Variants in CFAP44 observed in about 807,000 individuals in gnomAD.
CFAP44 encodes the protein cilia- and flagella-associated protein 44.
Under a neutral mutation model 216.2 loss-of-function variants are expected in CFAP44, and 134 were observed. The ratio of observed to expected loss-of-function variants is 0.62; its 90% confidence interval spans 0.54 to 0.72. The LOEUF is 0.72. Ranked by LOEUF, CFAP44 falls within the 30% of genes least tolerant of loss-of-function variation. The pLI is 0.00. For synonymous variants in CFAP44, 700 were observed against 727.6 expected (o/e 0.96, Z 0.61); for missense variants, 2,035 against 2,182.1 (o/e 0.93, Z 1.34).
In CFAP44 at chr3:113,355,374, C is replaced by T. The variant is rs138207355; in HGVS notation, c.3065+3371G>A. Among the ~76,000 whole-genome samples the T allele has an allele frequency of 9.0e-3, 1,362 of 152,082 alleles. 18 individuals are homozygous for T. The highest frequency in any genetic ancestry group is 0.022 in the African/African-American group (932 of 41,486). On this transcript the variant is annotated intron_variant, in intron 22 of 34. Coordinates refer to ENST00000393845, the MANE Select transcript of CFAP44 (RefSeq NM_001164496.2). Reference sequence around the variant, plus strand: ...TCTCTACTAAAAATACAAAAAAATTCGCCGGGCATGGTGGCAGGTGCCTGC... The same window carrying T: ...TCTCTACTAAAAATACAAAAAAATTTGCCGGGCATGGTGGCAGGTGCCTGC...
At chr3:113,316,978 T>G (rs1381952781) in intron 28 of CFAP44, among the ~76,000 whole-genome samples, 1 of 151,356 alleles carries the variant, frequency 6.6e-6, no homozygotes, top group Non-Finnish European at 1.5e-5. Flanking sequence ...ACCACCATAA[T>G]TTAAAAATGT....
chr3:113,394,605 A>G (rs1290796751), intron 15 of CFAP44, among the ~76,000 whole-genome samples: 1 of 152,162 alleles, frequency 6.6e-6, no homozygotes, highest in Non-Finnish European at 1.5e-5. Flanking sequence ...TAAATTCACA[A>G]CACACATTCT....
rs912743719 is a variant in CFAP44, at chr3:113,344,456, A to T, written c.3262+60T>A. The T allele has an allele frequency of 7.0e-6, 10 of 1,425,876 alleles. No homozygotes were observed. In the African/African-American group the frequency reaches 1.4e-4, roughly 20 times the overall value. 88.3% of individuals were successfully genotyped at this position (1,425,876 alleles called of 1,614,324 possible). A position where few individuals can be genotyped will look rare whatever the true frequency, so the allele number is the denominator to read the frequency against. Reference sequence around the variant, plus strand: ...GAAGGTTCAATGGTTCTGTCCACAGACAATTCACTTTTGAAGTCTTAGTAA... The same window carrying T: ...GAAGGTTCAATGGTTCTGTCCACAGTCAATTCACTTTTGAAGTCTTAGTAA... On this transcript the variant is annotated intron_variant, in intron 23 of 34. Coordinates refer to ENST00000393845, the MANE Select transcript of CFAP44 (RefSeq NM_001164496.2).
At chr3:113,421,753 C>A (rs1379320255) in intron 4 of CFAP44, among the ~76,000 whole-genome samples, 1 of 149,472 alleles carries the variant, frequency 6.7e-6, no homozygotes, top group Admixed American at 6.7e-5. Context: ...CCAAATATTG[C>A]ATGTTCTCAC....
chr3:113,427,484 G>T (rs572598784), intron 2 of CFAP44, 145 bp from the exon 3 acceptor site: 2 of 605,762 alleles, frequency 3.3e-6, no homozygotes, highest in South Asian at 2.4e-5. Flanking sequence ...CATTTTATTT[G>T]GTCAGTCTTG....
In CFAP44 at chr3:113,330,494, C is replaced by T. The variant is rs1559913639; in HGVS notation, c.3790G>A (p.Val1264Ile). 5 of 1,537,172 alleles carry T rather than the reference C, an allele frequency of 3.3e-6. No homozygotes were observed. The East Asian group carries it at 7.3e-5, about 23-fold the overall frequency. Reference protein sequence around the residue: ...PKIPQIHPEEVPEKRFQYDEE... With the variant: ...PKIPQIHPEEIPEKRFQYDEE... The stretch of plus-strand genomic sequence containing the variant: ...TCATACTGAAATCTCTTTTCTGGAA[C>T]TTCTTCTGGGTGTATCTGAGGAATT... The change falls in exon 26 of 35, where the codon GTT becomes ATT. Residue 1264 changes from valine (V) to isoleucine (I), a missense_variant. Val to Ile is a conservative substitution (Grantham distance 29). Transcript: ENST00000393845.
At chr3:113,330,702 A>C in intron 25 of CFAP44, 34 bp from the exon 26 acceptor site, 1 of 1,501,578 alleles carries the variant, frequency 6.7e-7, no homozygotes, top group Non-Finnish European at 8.8e-7. Flanking sequence ...ACAACAGTAC[A>C]ACCCTCTGAC....
At chr3:113,310,539 A>C (rs746474731) in intron 28 of CFAP44, among the ~76,000 whole-genome samples, 1 of 152,246 alleles carries the variant, frequency 6.6e-6, no homozygotes, top group Non-Finnish European at 1.5e-5. Context: ...TTTAAATAAG[A>C]TACAAAGTCT....
intron 27 of CFAP44, 127 bp downstream of exon 27, chr3:113,327,489 G>A (rs1229748968): frequency 1.3e-6 from 1 of 767,374 alleles, no homozygotes; most frequent in African/African-American, 1.8e-5. Context: ...AAAAGGAGGA[G>A]GGGGAAAGAA....
chr3:113,378,642 TC>T (rs1382551960), intron 17 of CFAP44, among the ~76,000 whole-genome samples: 13 of 152,158 alleles, frequency 8.5e-5, no homozygotes, highest in Admixed American at 8.5e-4. Flanking sequence ...ATGAAGGAAA[TC>T]TTGCTTTGCA....
In CFAP44 at chr3:113,308,261, A is replaced by C. The variant is rs1482581936; in HGVS notation, c.4524T>G (p.Asp1508Glu). ...CTTCACTTGATTCCTCACTCTCCTC[A>C]TCTTCATCTATGGAAAGAGGAGGGC... ...KKEVEGDADE[D>E]EESEESSEEE... The change falls in exon 29 of 35, where the codon GAT becomes GAG. Residue 1508 changes from aspartate to glutamate, a missense_variant. Asp to Glu is a conservative substitution (Grantham distance 45, BLOSUM62 2). Around this residue, in one of 3 missense-constraint regions of CFAP44, gnomAD observed 1,883 missense variants for 2,023.7 expected, o/e 0.93. Coordinates refer to ENST00000393845, the MANE Select transcript of CFAP44 (RefSeq NM_001164496.2). The C allele has an allele frequency of 4.8e-5, 74 of 1,531,022 alleles. No individual in the cohort carries two copies. Among genetic ancestry groups the C allele is most frequent in the Non-Finnish European group, 6.4e-5 (73 of 1,144,666 alleles). 94.8% of individuals were successfully genotyped at this position (1,531,022 alleles called of 1,614,324 possible).
At position 113,366,276 on chromosome 3, in the gene CFAP44, T is replaced by C. The variant is rs1932933666; in HGVS notation, c.2478A>G (p.Lys826=). ...INKVMMFCGM[K]NGAIRVYVLN... is the part of the protein sequence containing the mutation. The stretch of plus-strand genomic sequence containing the variant: ...GGACATAGACTCGAATTGCTCCATT[T>C]TTCATTCCACAAAACATCATAACTT... Residue 826 remains lysine, a synonymous_variant, in exon 19 of 35, where the codon AAA becomes AAG. Coordinates refer to ENST00000393845, the MANE Select transcript of CFAP44 (RefSeq NM_001164496.2). 2 of 1,610,058 alleles carry C rather than the reference T, an allele frequency of 1.2e-6. No individual in the cohort carries two copies. The highest frequency in any genetic ancestry group is 1.7e-6 in the Non-Finnish European group (2 of 1,177,010).
intron 7 of CFAP44, among the ~76,000 whole-genome samples, chr3:113,408,083 T>C (rs1934337641): frequency 1.3e-5 from 2 of 152,182 alleles, no homozygotes; most frequent in Admixed American, 1.3e-4. Context: ...GCTCAATTAG[T>C]CTATATTTCT....
At chr3:113,294,117 T>C (rs1013635102) in intron 34 of CFAP44, 20 of 453,940 alleles carry the variant, frequency 4.4e-5, no homozygotes, top group East Asian at 1.4e-4. Flanking sequence ...GTATATAACA[T>C]AGAGTTTGGA....
intron 24 of CFAP44, among the ~76,000 whole-genome samples, chr3:113,339,028 CAA>C (rs1008311887): frequency 6.6e-6 from 1 of 152,098 alleles, no homozygotes; most frequent in African/African-American, 2.4e-5. Flanking sequence ...ACACTGTTGG[CAA>C]AAGTCTGGAT....
chr3:113,377,291 C>A (rs998268747), intron 17 of CFAP44, among the ~76,000 whole-genome samples: 2 of 152,098 alleles, frequency 1.3e-5, no homozygotes, highest in African/African-American at 4.8e-5. Context: ...TTTTCTTCAC[C>A]ATTTGTTTGG....
chr3:113,410,167 T>C (rs1267670933), intron 6 of CFAP44, among the ~76,000 whole-genome samples: 1 of 152,218 alleles, frequency 6.6e-6, no homozygotes, highest in African/African-American at 2.4e-5. Flanking sequence ...TTTTTTATTA[T>C]ACTTTAAGTT....
intron 25 of CFAP44, among the ~76,000 whole-genome samples, chr3:113,332,079 T>G (rs1950245571): frequency 6.6e-6 from 1 of 152,212 alleles, no homozygotes; most frequent in South Asian, 2.1e-4. Context: ...GTGATTTTAT[T>G]TTAATAAAGC....
intron 15 of CFAP44, 135 bp downstream of exon 15, chr3:113,395,615 T>C: frequency 3.0e-6 from 2 of 665,230 alleles, no homozygotes; most frequent in Non-Finnish European, 5.0e-6. Flanking sequence ...CTGAGCTTTC[T>C]GTTGCCGCAT....
Sources: gnomAD v4.1 joint callset for allele counts (sites outside exome capture counted in the v4.1 genomes callset) on GRCh38, gnomAD v4.1.1 for gene constraint, gnomAD v4.1.1 regional missense constraint, MANE v1.5 for transcripts, NCBI Gene and HGNC (gene_info 2026-07-23, HGNC 2026-07-21) for gene names.